The following CCDC7 variants were observed in gnomAD, a reference collection of about 807,000 sequenced individuals.
CCDC7 encodes coiled-coil domain containing 7.
CCDC7 carries 183 observed loss-of-function variants against 196.9 expected under a neutral mutation model. The observed-to-expected ratio is 0.93, with a 90% CI of 0.82 to 1.05. CCDC7 has a LOEUF of 1.05. Ranked by LOEUF, CCDC7 falls within the 50% of genes least tolerant of loss-of-function variation. The pLI, the probability that CCDC7 is intolerant of heterozygous loss-of-function variation, is 0.00. For missense variants in CCDC7, 1,540 were observed against 1,482.2 expected, an observed-to-expected ratio of 1.04 and a Z score of -0.64; for synonymous variants, 525 against 484.6, an observed-to-expected ratio of 1.08 and a Z score of -1.10.
At chr10:32,774,988 T>G (rs1221695647) in intron 28 of CCDC7, among the ~76,000 whole-genome samples, 4 of 152,216 alleles carry the variant, frequency 2.6e-5, no homozygotes, top group Non-Finnish European at 5.9e-5. Flanking sequence ...GTTGCAGTTT[T>G]GCGCTATCTT....
intron 9 of CCDC7, among the ~76,000 whole-genome samples, chr10:32,507,475 G>A (rs2045382739): frequency 6.6e-6 from 1 of 151,276 alleles, no homozygotes; most frequent in Non-Finnish European, 1.5e-5. Flanking sequence ...TTTTGAGTTG[G>A]ATTCTCACTC....
intron 8 of CCDC7, among the ~76,000 whole-genome samples, chr10:32,485,109 C>T (rs1202952834): frequency 6.6e-6 from 1 of 152,198 alleles, no homozygotes; most frequent in Non-Finnish European, 1.5e-5. Flanking sequence ...TAGAATTCGG[C>T]TGTGAATCCA....
At chr10:32,552,544 T>A (rs902763106) in intron 13 of CCDC7, among the ~76,000 whole-genome samples, 2 of 152,208 alleles carry the variant, frequency 1.3e-5, no homozygotes, top group African/African-American at 4.8e-5. Context: ...AGAGGTTCTG[T>A]TTTGATGTGT....
intron 14 of CCDC7, among the ~76,000 whole-genome samples, chr10:32,565,974 A>G (rs1048920835): frequency 6.6e-6 from 1 of 152,192 alleles, no homozygotes; most frequent in Non-Finnish European, 1.5e-5. Context: ...AGGCATTCCA[A>G]TTAAACTCAG....
intron 18 of CCDC7, among the ~76,000 whole-genome samples, chr10:32,593,248 G>T (rs944990319): frequency 2.6e-5 from 4 of 152,188 alleles, no homozygotes; most frequent in African/African-American, 9.7e-5. Flanking sequence ...ATTCTAACTG[G>T]TGTGAGATGG....
upstream of CCDC7, among the ~76,000 whole-genome samples, chr10:32,444,291 T>C (rs549967246): frequency 1.2e-4 from 18 of 152,362 alleles, no homozygotes; most frequent in Non-Finnish European, 2.9e-5. Flanking sequence ...TTTCAAAGAA[T>C]AATCGATTCA....
chr10:32,705,801 G>T (rs555145895), intron 24 of CCDC7, among the ~76,000 whole-genome samples: 2 of 152,208 alleles, frequency 1.3e-5, no homozygotes, highest in African/African-American at 4.8e-5. Flanking sequence ...CAATACAGGA[G>T]CACCCAGATT....
At chr10:32,496,416 C>T (rs910141523) in intron 9 of CCDC7, among the ~76,000 whole-genome samples, 5 of 152,144 alleles carry the variant, frequency 3.3e-5, no homozygotes. Flanking sequence ...ACTTCCAATA[C>T]TATGTTGAAT....
At chr10:32,846,036 A>C in intron 36 of CCDC7, 77 bp downstream of exon 37, 1 of 1,040,412 alleles carries the variant, frequency 9.6e-7, no homozygotes, top group Non-Finnish European at 1.5e-6. Flanking sequence ...ATAGACCTTT[A>C]ATGACAACAG....
intron 18 of CCDC7, among the ~76,000 whole-genome samples, chr10:32,612,493 T>A (rs2138808681): frequency 6.6e-6 from 1 of 152,326 alleles, no homozygotes; most frequent in Non-Finnish European, 1.5e-5. Flanking sequence ...CCTTGTCTCG[T>A]GCTGGTTTTC....
chr10:32,693,479 A>G (rs371445857), intron 23 of CCDC7, among the ~76,000 whole-genome samples: 61 of 151,406 alleles, frequency 4.0e-4, no homozygotes, highest in African/African-American at 1.4e-3. Context: ...TTTCCTTCAC[A>G]TTATTCTTTG....
intron 18 of CCDC7, among the ~76,000 whole-genome samples, chr10:32,618,766 G>A (rs973256616): frequency 7.2e-5 from 11 of 151,898 alleles, no homozygotes; most frequent in Non-Finnish European, 1.3e-4. Flanking sequence ...ATAGGCTGTG[G>A]TGACTTCTTT....
chr10:32,507,053 C>T (rs538330495), intron 9 of CCDC7, among the ~76,000 whole-genome samples: 116 of 150,986 alleles, frequency 7.7e-4, no homozygotes, highest in African/African-American at 2.6e-3. Flanking sequence ...AGTGCAGTGG[C>T]GCGATCTCAG....
chr10:32,651,292 A>G (rs763620745), intron 20 of CCDC7, among the ~76,000 whole-genome samples: 2 of 152,164 alleles, frequency 1.3e-5, no homozygotes, highest in Non-Finnish European at 2.9e-5. Context: ...TGGGGTGCTC[A>G]GGTGCTCCAA....
intron 20 of CCDC7, among the ~76,000 whole-genome samples, chr10:32,654,638 G>T (rs1336595921): frequency 6.6e-6 from 1 of 152,266 alleles, no homozygotes; most frequent in African/African-American, 2.4e-5. Context: ...TCCCACCCTT[G>T]TAGAGGGGCT....
chr10:32,772,263 C>A (rs556700877), intron 28 of CCDC7, among the ~76,000 whole-genome samples: 7 of 152,162 alleles, frequency 4.6e-5, no homozygotes, highest in Non-Finnish European at 1.0e-4. Flanking sequence ...TGGGGAGTAG[C>A]AGGCAGTGGT....
At chr10:32,848,010 ATTT>A (rs2093381438) in intron 38 of CCDC7, 94 bp downstream of exon 39, 1 of 666,402 alleles carries the variant, frequency 1.5e-6, no homozygotes, top group African/African-American at 1.9e-5. Context: ...ATATGTTAAT[ATTT>A]CATGGGCAAA....
intron 41 of CCDC7, among the ~76,000 whole-genome samples, chr10:32,871,293 A>C (rs561233351): frequency 2.6e-5 from 4 of 152,140 alleles, no homozygotes; most frequent in Non-Finnish European, 4.4e-5. Flanking sequence ...TTATTGGTCT[A>C]TTCAGAGATT....
intron 18 of CCDC7, among the ~76,000 whole-genome samples, chr10:32,610,092 T>G (rs1246895109): frequency 6.6e-6 from 1 of 151,812 alleles, no homozygotes; most frequent in East Asian, 1.9e-4. Context: ...AGGGGGTACA[T>G]ATGCAGATTT....
Sources: gnomAD v4.1 joint callset for allele counts (sites outside exome capture counted in the v4.1 genomes callset) on GRCh38, gnomAD v4.1.1 for gene constraint, MANE v1.5 for transcripts, NCBI Gene and HGNC (gene_info 2026-07-23, HGNC 2026-07-21) for gene names.